The following SEPTIN10 variants were observed in gnomAD, a reference collection of about 807,000 sequenced individuals.
SEPTIN10 encodes septin-10.
Under a neutral mutation model 54.8 loss-of-function variants are expected in SEPTIN10, and 66 were observed. The ratio of observed to expected loss-of-function variants is 1.21; its 90% CI spans 0.99 to 1.48. The LOEUF (loss-of-function observed/expected upper bound fraction) is 1.48. Among genes scored for constraint, SEPTIN10 ranks in the 40% most tolerant of loss-of-function variants. The pLI is 0.00. For missense variants in SEPTIN10, 620 were observed against 545.6 expected (o/e 1.14, Z -1.36); for synonymous variants, 161 against 181.0 (o/e 0.89, Z 0.89).
chr2:109,556,415 T>C (rs1254167747), intron 8 of SEPTIN10, among the ~76,000 whole-genome samples: 2 of 152,218 alleles, frequency 1.3e-5, no homozygotes, highest in African/African-American at 4.8e-5. Context: ...CTTTTAAGTA[T>C]AGAATTCTGT....
At chr2:109,611,811 A>C (rs1233213238) in intron 1 of SEPTIN10, among the ~76,000 whole-genome samples, 2 of 152,218 alleles carry the variant, frequency 1.3e-5, no homozygotes, top group Non-Finnish European at 2.9e-5. Flanking sequence ...AGAATGGCTA[A>C]ATTAAAAATA....
intron 9 of SEPTIN10, chr2:109,552,834 C>T: frequency 7.7e-6 from 3 of 392,012 alleles, no homozygotes; most frequent in Middle Eastern, 7.0e-4. Context: ...CTGCAGCTTC[C>T]AGTTCATTGT....
chr2:109,544,913 C>A (rs1680799818), intron 10 of SEPTIN10: 2 of 961,182 alleles, frequency 2.1e-6, no homozygotes, highest in Admixed American at 6.2e-5. Flanking sequence ...CATGAGAATT[C>A]CTTCCTCTTT....
chr2:109,544,092 T>G lies in SEPTIN10; in HGVS notation c.*217A>C, dbSNP rs1680543295. ...ATTTTGAAGCTTCTGGATTTCAGATTTTTGAATTAGAGATGCTCAACTTGT... is the reference window on the plus strand; with the variant it reads ...ATTTTGAAGCTTCTGGATTTCAGATGTTTGAATTAGAGATGCTCAACTTGT... On this transcript the variant is annotated 3_prime_UTR_variant, in exon 11 of 11. Coordinates refer to ENST00000397712, the MANE Select transcript of SEPTIN10 (RefSeq NM_144710.5). 1.4e-6 allele frequency: 2 copies of G among 1,452,932 alleles called. No individual in the cohort carries two copies. Among genetic ancestry groups the G allele is most frequent in the African/African-American group, 2.8e-5 (2 of 70,194 alleles). 90.0% of individuals were successfully genotyped at this position (1,452,932 alleles called of 1,614,324 possible).
At chr2:109,585,893 A>C (rs1402455283) in intron 2 of SEPTIN10, 55 bp from the exon 3 acceptor site, 2 of 1,348,728 alleles carry the variant, frequency 1.5e-6, no homozygotes, top group East Asian at 4.7e-5. Context: ...CTTTGACTTA[A>C]ATAGGATGTA....
intron 1 of SEPTIN10, among the ~76,000 whole-genome samples, chr2:109,598,205 T>C (rs533237527): frequency 1.4e-4 from 22 of 152,084 alleles, no homozygotes; most frequent in Admixed American, 1.4e-3. Context: ...GTAGCTAGGA[T>C]TACAGGCATG....
At chr2:109,561,438 C>T (rs1425254549) in intron 8 of SEPTIN10, among the ~76,000 whole-genome samples, 9 of 152,064 alleles carry the variant, frequency 5.9e-5, no homozygotes, top group Admixed American at 5.9e-4. Context: ...AATTTTTGAA[C>T]TCCCCTACAA....
chr2:109,572,298 A>T (rs1234179972), intron 5 of SEPTIN10, among the ~76,000 whole-genome samples: 2 of 151,714 alleles, frequency 1.3e-5, no homozygotes, highest in Non-Finnish European at 2.9e-5. Flanking sequence ...GCCCGGCTGA[A>T]TTTTTTTTGT....
intron 5 of SEPTIN10, among the ~76,000 whole-genome samples, chr2:109,573,840 T>G (rs1415455707): frequency 6.6e-6 from 1 of 152,214 alleles, no homozygotes; most frequent in African/African-American, 2.4e-5. Context: ...GCTCCTTGGC[T>G]TGGAAATTCA....
intron 8 of SEPTIN10, among the ~76,000 whole-genome samples, chr2:109,557,729 T>C (rs1475235521): frequency 6.6e-6 from 1 of 152,230 alleles, no homozygotes. Flanking sequence ...TCTATAAAGT[T>C]AGTATTCTAA....
At chr2:109,573,578 C>T (rs1032468574) in intron 5 of SEPTIN10, among the ~76,000 whole-genome samples, 7 of 152,144 alleles carry the variant, frequency 4.6e-5, no homozygotes, top group African/African-American at 1.7e-4. Context: ...ACTAGGCAGG[C>T]CTTCAGGCTT....
intron 9 of SEPTIN10, among the ~76,000 whole-genome samples, chr2:109,551,694 C>A (rs1682997157): frequency 6.6e-6 from 1 of 152,164 alleles, no homozygotes; most frequent in Non-Finnish European, 1.5e-5. Context: ...AATTAGTAAA[C>A]TATTACTTTT....
At chr2:109,601,959 C>T (rs1317539887) in intron 1 of SEPTIN10, among the ~76,000 whole-genome samples, 1 of 152,092 alleles carries the variant, frequency 6.6e-6, no homozygotes, top group South Asian at 2.1e-4. Flanking sequence ...AAATGCGCTT[C>T]CCGAGGGAAA....
chr2:109,584,937 A>C (rs1227849437), intron 4 of SEPTIN10, among the ~76,000 whole-genome samples, 189 bp downstream of exon 4: 3 of 152,230 alleles, frequency 2.0e-5, no homozygotes, highest in African/African-American at 7.2e-5. Flanking sequence ...GAAATTAGAC[A>C]AATGGCTAGA....
intron 1 of SEPTIN10, among the ~76,000 whole-genome samples, chr2:109,593,409 CTT>C (rs766138431): frequency 1.5e-5 from 2 of 133,786 alleles, no homozygotes; most frequent in Non-Finnish European, 1.6e-5. Context: ...AGAGAAAGAA[CTT>C]TTTTTTTTTT....
At chr2:109,612,898 C>G (rs1699560769) in intron 1 of SEPTIN10, among the ~76,000 whole-genome samples, 1 of 152,226 alleles carries the variant, frequency 6.6e-6, no homozygotes, top group Admixed American at 6.5e-5. Flanking sequence ...AATCTCTCAG[C>G]CTGCAATCTG....
rs1389515943 is a variant in SEPTIN10 at position 109,593,108 on chromosome 2, AGACT to A, written c.38_41del (p.Gln13LeufsTer20). On this transcript the variant is annotated frameshift_variant, in exon 2 of 11. Coordinates refer to ENST00000397712, the MANE Select transcript of SEPTIN10 (RefSeq NM_144710.5). LOFTEE classifies it high-confidence loss of function. ...TACAAGTTGTTTTCGTTGCCATGTG[AGACT>A]GAAAGAGCTAAAAAAGGAATACAAA... 1.3e-6 allele frequency: 2 copies of A among 1,597,754 alleles called. No individual in the cohort carries two copies. Among genetic ancestry groups the A allele is most frequent in the East Asian group, 2.3e-5 (1 of 44,282 alleles).
chr2:109,601,358 A>G (rs2106158252), intron 1 of SEPTIN10, among the ~76,000 whole-genome samples: 1 of 152,372 alleles, frequency 6.6e-6, no homozygotes, highest in South Asian at 2.1e-4. Flanking sequence ...GACCAAATAC[A>G]TATTTCACAA....
At chr2:109,612,874 T>C (rs1364225552) in intron 1 of SEPTIN10, among the ~76,000 whole-genome samples, 3 of 152,234 alleles carry the variant, frequency 2.0e-5, no homozygotes, top group Admixed American at 2.0e-4. Flanking sequence ...GGTGTCACTT[T>C]GGACGGATCC....
Sources: gnomAD v4.1 joint callset for allele counts (sites outside exome capture counted in the v4.1 genomes callset) on GRCh38, gnomAD v4.1.1 for gene constraint, MANE v1.5 for transcripts, NCBI Gene and HGNC (gene_info 2026-07-23, HGNC 2026-07-21) for gene names.